The following ZSWIM6 variants were observed in gnomAD, a reference collection of about 807,000 sequenced individuals.
ZSWIM6 encodes zinc finger SWIM domain-containing protein 6.
A neutral mutation model predicts 113.2 loss-of-function variants in ZSWIM6; 9 were observed. The ratio of observed to expected loss-of-function variants is 0.08; its 90% CI spans 0.05 to 0.14. ZSWIM6 has a LOEUF of 0.14. Among genes scored for constraint, ZSWIM6 ranks in the 10% least tolerant of loss-of-function variants. The pLI is 1.00. For missense variants in ZSWIM6, 1,162 were observed against 1,552.2 expected, an observed-to-expected ratio of 0.75 and a Z score of 4.22; for synonymous variants, 611 against 606.5, an observed-to-expected ratio of 1.01 and a Z score of -0.11.
At chr5:61,347,566 G>A (rs1744684260) in intron 1 of ZSWIM6, 1 of 156,124 alleles carries the variant, frequency 6.4e-6, no homozygotes, top group Non-Finnish European at 1.4e-5. Context: ...TGGTGCATAG[G>A]GGGCACAGGA....
chr5:61,409,527 C>G (rs1746113996), intron 1 of ZSWIM6, among the ~76,000 whole-genome samples: 1 of 152,160 alleles, frequency 6.6e-6, no homozygotes, highest in South Asian at 2.1e-4. Flanking sequence ...AATGTGGGTT[C>G]TTGGTAGCAA....
intron 5 of ZSWIM6, among the ~76,000 whole-genome samples, chr5:61,524,021 T>C (rs957852936): frequency 2.0e-5 from 3 of 152,242 alleles, no homozygotes; most frequent in Admixed American, 6.5e-5. Flanking sequence ...TGCATAATAC[T>C]AAGTTGCTCT....
At chr5:61,396,742 T>G (rs572492570) in intron 1 of ZSWIM6, among the ~76,000 whole-genome samples, 1 of 152,180 alleles carries the variant, frequency 6.6e-6, no homozygotes, top group Non-Finnish European at 1.5e-5. Flanking sequence ...TTAAAATTAA[T>G]TAAACATTTT....
At chr5:61,370,909 G>A (rs888340004) in intron 1 of ZSWIM6, among the ~76,000 whole-genome samples, 2 of 152,118 alleles carry the variant, frequency 1.3e-5, no homozygotes, top group Admixed American at 1.3e-4. Flanking sequence ...ACAAAGTTAA[G>A]TATTTTCCCA....
At chr5:61,352,958 C>G (rs1447859718) in intron 1 of ZSWIM6, among the ~76,000 whole-genome samples, 2 of 152,188 alleles carry the variant, frequency 1.3e-5, no homozygotes, top group Non-Finnish European at 2.9e-5. Flanking sequence ...GGGCAAGGCA[C>G]TGACCTTGGA....
chr5:61,464,503 G>A (rs1336790902), intron 1 of ZSWIM6, among the ~76,000 whole-genome samples: 1 of 152,120 alleles, frequency 6.6e-6, no homozygotes, highest in African/African-American at 2.4e-5. Flanking sequence ...TATGATGCCT[G>A]CTTTGCAGGA....
chr5:61,444,580 C>CT (rs908287450), intron 1 of ZSWIM6, among the ~76,000 whole-genome samples: 5 of 152,016 alleles, frequency 3.3e-5, no homozygotes, highest in Non-Finnish European at 7.4e-5. Flanking sequence ...TTTCATAAAC[C>CT]TTTTTTAATA....
chr5:61,446,120 G>A (rs542624265), intron 1 of ZSWIM6, among the ~76,000 whole-genome samples: 6 of 152,214 alleles, frequency 3.9e-5, no homozygotes, highest in Middle Eastern at 3.4e-3. Flanking sequence ...TCCACCTCCC[G>A]GGTTCAAGTG....
chr5:61,406,291 C>A (rs1198273533), intron 1 of ZSWIM6, among the ~76,000 whole-genome samples: 1 of 152,180 alleles, frequency 6.6e-6, no homozygotes, highest in Non-Finnish European at 1.5e-5. Context: ...AAGCTGAAAA[C>A]ATTTGTATAC....
chr5:61,486,294 T>A lies in ZSWIM6; in HGVS notation c.1034-4492T>A, dbSNP rs368325881. Among the ~76,000 whole-genome samples the A allele has an allele frequency of 1.1e-4, 17 of 152,324 alleles. No individual in the cohort carries two copies. The East Asian group carries it at 3.1e-3, about 28-fold the overall frequency. ...GCTGCATGGATGTGATTTCATTCTTTTTTTTATGGCCAAATAGTATTTCAT... is the reference window on the plus strand; with the variant it reads ...GCTGCATGGATGTGATTTCATTCTTATTTTTATGGCCAAATAGTATTTCAT... On this transcript the variant is annotated intron_variant, in intron 2 of 13. Coordinates refer to ENST00000252744, the MANE Select transcript of ZSWIM6 (RefSeq NM_020928.2).
At chr5:61,500,074 C>T (rs980244168) in intron 4 of ZSWIM6, among the ~76,000 whole-genome samples, 4 of 150,754 alleles carry the variant, frequency 2.7e-5, no homozygotes, top group Non-Finnish European at 5.9e-5. Context: ...AAAAACATAA[C>T]CACCAGTCTA....
chr5:61,431,633 T>C (rs1280851370), intron 1 of ZSWIM6, among the ~76,000 whole-genome samples: 1 of 151,566 alleles, frequency 6.6e-6, no homozygotes, highest in African/African-American at 2.4e-5. Context: ...TAGTCCCAGC[T>C]ACTCGGGAGG....
chr5:61,500,744 A>C (rs1017915426), intron 4 of ZSWIM6, among the ~76,000 whole-genome samples: 37 of 152,162 alleles, frequency 2.4e-4, no homozygotes, highest in African/African-American at 8.7e-4. Context: ...CTTATCATAA[A>C]TATAGGTACT....
intron 1 of ZSWIM6, among the ~76,000 whole-genome samples, chr5:61,441,261 C>T (rs1210517300): frequency 1.3e-5 from 2 of 151,940 alleles, no homozygotes; most frequent in African/African-American, 4.8e-5. Context: ...TTCTCTCAGC[C>T]AAGGATTGGT....
At chr5:61,479,053 C>A (rs1012184876) in intron 2 of ZSWIM6, among the ~76,000 whole-genome samples, 3 of 151,916 alleles carry the variant, frequency 2.0e-5, no homozygotes, top group Non-Finnish European at 4.4e-5. Context: ...TGCCTGTAAT[C>A]CCAACTACTT....
At chr5:61,335,988 C>A (rs1390592677) in intron 1 of ZSWIM6, among the ~76,000 whole-genome samples, 3 of 152,164 alleles carry the variant, frequency 2.0e-5, no homozygotes, top group African/African-American at 7.2e-5. Flanking sequence ...TATTGCCGGG[C>A]ACGGTGGCTC....
At chr5:61,462,003 G>T (rs1479799881) in intron 1 of ZSWIM6, among the ~76,000 whole-genome samples, 1 of 152,114 alleles carries the variant, frequency 6.6e-6, no homozygotes, top group Admixed American at 6.5e-5. Context: ...TACAAATTGG[G>T]CAGAGAGGAT....
chr5:61,407,047 A>T (rs1434901148), intron 1 of ZSWIM6, among the ~76,000 whole-genome samples: 1 of 152,224 alleles, frequency 6.6e-6, no homozygotes, highest in Admixed American at 6.5e-5. Flanking sequence ...AGTTTCATTT[A>T]AAAATAACAA....
chr5:61,431,204 T>C (rs1187018173), intron 1 of ZSWIM6, among the ~76,000 whole-genome samples: 1 of 151,608 alleles, frequency 6.6e-6, no homozygotes, highest in Non-Finnish European at 1.5e-5. Context: ...ACCCTGTCTC[T>C]ACTAAAATAC....
Sources: allele counts gnomAD v4.1 joint callset (sites outside exome capture counted in the v4.1 genomes callset), GRCh38; gene constraint gnomAD v4.1.1; transcripts MANE v1.5; gene names NCBI Gene and HGNC (gene_info 2026-07-23, HGNC 2026-07-21).